Variants in CDH23 observed in about 807,000 individuals in gnomAD.
The protein encoded by CDH23 is cadherin related 23, also known as cadherin-23.
CDH23 carries 189 observed loss-of-function variants against 317.1 expected under a neutral mutation model. The ratio of observed to expected loss-of-function variants is 0.60; its 90% confidence interval spans 0.53 to 0.67. The LOEUF (loss-of-function observed/expected upper bound fraction) is 0.67, where lower values mean the gene tolerates loss of function less well. CDH23 is among the 30% of genes least tolerant of loss of function. CDH23 has a pLI of 0.00. For synonymous variants in CDH23, 1,839 were observed against 1,876.8 expected, an observed-to-expected ratio of 0.98 and a Z score of 0.52; for missense variants, 4,401 against 4,592.4, an observed-to-expected ratio of 0.96 and a Z score of 1.20.
chr10:71,632,149 C>T (rs772817679), intron 11 of CDH23, among the ~76,000 whole-genome samples: 4 of 152,132 alleles, frequency 2.6e-5, no homozygotes, highest in Non-Finnish European at 4.4e-5. Flanking sequence ...AGAAAATAAA[C>T]TATAAATTAT....
chr10:71,792,168 G>A (rs1052836389), intron 47 of CDH23, among the ~76,000 whole-genome samples: 5 of 152,162 alleles, frequency 3.3e-5, no homozygotes, highest in African/African-American at 9.7e-5. Context: ...GATAAAGGAA[G>A]CAATGAGGCC....
chr10:71,619,100 C>T (rs543141654), intron 11 of CDH23, among the ~76,000 whole-genome samples: 8 of 152,098 alleles, frequency 5.3e-5, no homozygotes, highest in East Asian at 3.9e-4. Context: ...TTTGGGAGGC[C>T]GAGGCAGGTG....
At chr10:71,518,795 G>A (rs970916104) in intron 6 of CDH23, among the ~76,000 whole-genome samples, 2 of 152,172 alleles carry the variant, frequency 1.3e-5, no homozygotes, top group Non-Finnish European at 2.9e-5. Context: ...GGAGTCAACA[G>A]GGTCCCACAA....
At chr10:71,645,620 C>T (rs755792398) in intron 12 of CDH23, 9 of 747,668 alleles carry the variant, frequency 1.2e-5, no homozygotes, top group Non-Finnish European at 2.0e-5. Context: ...GAAAAGAGAG[C>T]CAGAGGAGGT....
At chr10:71,616,011 C>T (rs915912518) in intron 10 of CDH23, among the ~76,000 whole-genome samples, 5 of 152,240 alleles carry the variant, frequency 3.3e-5, no homozygotes, top group African/African-American at 1.2e-4. Flanking sequence ...CTTCCAAGTG[C>T]CATGACTTCC....
intron 8 of CDH23, among the ~76,000 whole-genome samples, chr10:71,571,364 C>T (rs1857794325): frequency 6.6e-6 from 1 of 152,228 alleles, no homozygotes; most frequent in South Asian, 2.1e-4. Flanking sequence ...TTCAAGGGTC[C>T]TCTTGGCCCC....
At chr10:71,431,919 C>T (rs1167865693) in intron 1 of CDH23, among the ~76,000 whole-genome samples, 1 of 152,210 alleles carries the variant, frequency 6.6e-6, no homozygotes, top group Non-Finnish European at 1.5e-5. Context: ...TGCCTATTTC[C>T]CAAAAGAGGG....
chr10:71,405,594 C>A (rs967956036), intron 1 of CDH23, among the ~76,000 whole-genome samples: 2 of 152,122 alleles, frequency 1.3e-5, no homozygotes, highest in African/African-American at 2.4e-5. Context: ...CATGCCATCA[C>A]GCCAGGCTAA....
At position 71,770,432 on chromosome 10, in the gene CDH23, G is replaced by A. The variant is rs1840659942; in HGVS notation, c.4846-7248G>A. Among the ~76,000 whole-genome samples, 3 of 151,488 alleles carry A rather than the reference G, an allele frequency of 2.0e-5. No individual in the cohort carries two copies. The South Asian group carries it at 6.3e-4, about 32-fold the overall frequency. ...CACAAAGCCCAAGAGTTAAGCAAGG[G>A]GCTGTACGGAAGCCCTGGCATGCAT... On this transcript the variant is annotated intron_variant, in intron 38 of 69. Coordinates refer to ENST00000224721, the MANE Select transcript of CDH23 (RefSeq NM_022124.6).
chr10:71,780,365 C>G (rs1019615608), intron 41 of CDH23, among the ~76,000 whole-genome samples: 1 of 152,100 alleles, frequency 6.6e-6, no homozygotes, highest in African/African-American at 2.4e-5. Context: ...AAAAATAAAA[C>G]CAAGCCGGAG....
intron 28 of CDH23, chr10:71,713,295 G>C (rs1250320242): frequency 2.6e-6 from 2 of 779,238 alleles, no homozygotes; most frequent in Middle Eastern, 2.2e-4. Flanking sequence ...CCAAGGCTCA[G>C]AGGGAGAGAA....
In CDH23 at chr10:71,800,621, C is replaced by T. The variant is rs1841530894; in HGVS notation, c.7363-15C>T. The T allele has an allele frequency of 1.2e-6, 2 of 1,613,166 alleles. No homozygotes were observed. Among genetic ancestry groups the T allele is most frequent in the African/African-American group, 1.3e-5 (1 of 75,012 alleles). On this transcript the variant is annotated splice_polypyrimidine_tract_variant and intron_variant, in intron 52 of 69. Transcript: ENST00000224721. ...TGAATGATTGAAGGACCTAAAGCCA[C>T]CCTCCCCCTACTAGGGTGACATCTA...
chr10:71,733,718 A>C (rs1311225147), intron 32 of CDH23, among the ~76,000 whole-genome samples: 1 of 152,252 alleles, frequency 6.6e-6, no homozygotes, highest in African/African-American at 2.4e-5. Flanking sequence ...ATTCTTAGCT[A>C]GTTGTCTGGT....
chr10:71,452,275 C>G (rs1422091945), intron 3 of CDH23, among the ~76,000 whole-genome samples: 1 of 152,130 alleles, frequency 6.6e-6, no homozygotes. Context: ...TGAGGCCCTG[C>G]ACCTTGGCCA....
intron 29 of CDH23, 31 bp downstream of exon 29, chr10:71,724,136 G>A (rs1442352020): frequency 6.4e-7 from 1 of 1,551,460 alleles, no homozygotes; most frequent in Middle Eastern, 1.7e-4. Flanking sequence ...ATGGGGGGCG[G>A]TCCTCCTGCC....
intron 14 of CDH23, among the ~76,000 whole-genome samples, chr10:71,674,012 T>C (rs1864255411): frequency 1.3e-5 from 2 of 152,162 alleles, no homozygotes; most frequent in African/African-American, 2.4e-5. Context: ...GCACCGTCTA[T>C]AGGAGCATAA....
intron 43 of CDH23, 119 bp from the exon 44 acceptor site, chr10:71,785,512 G>A (rs1490192698): frequency 2.9e-6 from 2 of 683,364 alleles, no homozygotes; most frequent in South Asian, 1.8e-5. Flanking sequence ...CACATTTTTG[G>A]CCTTCTAGAT....
chr10:71,689,541 C>T (rs1227964509), intron 19 of CDH23, among the ~76,000 whole-genome samples: 1 of 152,136 alleles, frequency 6.6e-6, no homozygotes, highest in African/African-American at 2.4e-5. Context: ...TATTTGAGGC[C>T]CCAGGGCCAC....
chr10:71,679,555 C>T, intron 17 of CDH23, 63 bp downstream of exon 17: 1 of 1,269,590 alleles, frequency 7.9e-7, no homozygotes, highest in Non-Finnish European at 1.1e-6. Flanking sequence ...TCTGCACTCA[C>T]ACCTCCCTTG....
Sources: gnomAD v4.1 joint callset for allele counts (sites outside exome capture counted in the v4.1 genomes callset) on GRCh38, gnomAD v4.1.1 for gene constraint, MANE v1.5 for transcripts, NCBI Gene and HGNC (gene_info 2026-07-23, HGNC 2026-07-21) for gene names.